TBC1D4: variants seen among roughly 807,000 people sequenced by gnomAD.
The protein encoded by TBC1D4 is TBC1 domain family member 4.
TBC1D4 carries 121 observed loss-of-function variants against 142.5 expected under a neutral mutation model. The observed-to-expected ratio is 0.85, with a 90% CI of 0.73 to 0.99. The LOEUF (loss-of-function observed/expected upper bound fraction) is 0.99. TBC1D4 is among the 50% of genes least tolerant of loss of function. The pLI is 0.00. For synonymous variants in TBC1D4, 630 were observed against 628.2 expected, an observed-to-expected ratio of 1.00 and a Z score of -0.04; for missense variants, 1,475 against 1,606.6, an observed-to-expected ratio of 0.92 and a Z score of 1.40.
chr13:75,284,649 C>T lies in TBC1D4; in HGVS notation c.*2143G>A, dbSNP rs1485770196. ...CTCTAACCAAGAGCTGCTTCTCTCC[C>T]GAAAAGTAACAGTATACGTCAAGAA... On this transcript the variant is annotated 3_prime_UTR_variant, in exon 21 of 21. Coordinates refer to ENST00000377636, the MANE Select transcript of TBC1D4 (RefSeq NM_014832.5). 6.6e-6 allele frequency: 1 copy of T among 152,080 alleles called. No individual in the cohort carries two copies. The highest frequency in any genetic ancestry group is 1.5e-5 in the Non-Finnish European group (1 of 68,024). 9.4% of individuals were successfully genotyped at this position (152,080 alleles called of 1,614,324 possible).
chr13:75,289,837 A>T (rs1297036902), intron 19 of TBC1D4, among the ~76,000 whole-genome samples: 1 of 152,198 alleles, frequency 6.6e-6, no homozygotes, highest in East Asian at 1.9e-4. Context: ...CCTAGGGGGA[A>T]GGAGAGACAA....
rs774962056 is a variant in TBC1D4, at chr13:75,324,287, G to A, written c.2148C>T (p.Ser716=). ...ACAGTCTACCTGAATTCTGGTAAAA[G>A]CTTTTCAGGAAAGAGGGGGCAGTGA... ...PSFTAPSFLK[S]FYQNSGRLSP... is the part of the protein sequence containing the mutation. The change falls in exon 11 of 21, where the codon AGC becomes AGT. Residue 716 remains serine (S), a synonymous_variant. Coordinates refer to ENST00000377636, the MANE Select transcript of TBC1D4 (RefSeq NM_014832.5). 1.9e-6 allele frequency: 3 copies of A among 1,613,900 alleles called. No individual in the cohort carries two copies. Among genetic ancestry groups the A allele is most frequent in the East Asian group, 4.5e-5 (2 of 44,862 alleles).
intron 5 of TBC1D4, among the ~76,000 whole-genome samples, chr13:75,348,778 A>G (rs1593770151): frequency 6.6e-6 from 1 of 152,336 alleles, no homozygotes; most frequent in East Asian, 1.9e-4. Context: ...AATATTAAAT[A>G]AACACTTGAC....
chr13:75,386,686 T>G (rs920379903), intron 1 of TBC1D4, among the ~76,000 whole-genome samples: 1 of 152,152 alleles, frequency 6.6e-6, no homozygotes, highest in East Asian at 1.9e-4. Context: ...TCTTTCATGA[T>G]ACATGCTCAT....
chr13:75,299,710 A>G, intron 16 of TBC1D4, 136 bp from the exon 17 acceptor site: 4 of 1,104,144 alleles, frequency 3.6e-6, no homozygotes, highest in South Asian at 1.4e-5. Flanking sequence ...TAGAGTCACC[A>G]TGTAACTAAG....
At chr13:75,376,613 C>A (rs1883526303) in intron 1 of TBC1D4, among the ~76,000 whole-genome samples, 1 of 152,148 alleles carries the variant, frequency 6.6e-6, no homozygotes, top group Non-Finnish European at 1.5e-5. Flanking sequence ...GAACTCCTGA[C>A]CTCAGGTGAT....
rs34114903 is a variant in TBC1D4, at chr13:75,435,327, C to CAA, written c.498+45941_498+45942dup. Among the ~76,000 whole-genome samples the CAA allele has an allele frequency of 3.1e-3, 380 of 122,124 alleles. 5 individuals carry two copies. The highest frequency in any genetic ancestry group is 8.3e-3 in the African/African-American group (300 of 36,260). The allele number at this position is 122,124 out of a possible 152,430, so 80.1% of individuals were successfully genotyped here. Reference sequence around the variant, plus strand: ...TGGGAGACAGAGGGAGATTCTGTCTCAAAAAAAAAAAAATACATAATTACG... The same window carrying CAA: ...TGGGAGACAGAGGGAGATTCTGTCTCAAAAAAAAAAAAAAATACATAATTACG... On this transcript the variant is annotated intron_variant, in intron 1 of 20. Coordinates refer to ENST00000377636, the MANE Select transcript of TBC1D4 (RefSeq NM_014832.5).
intron 1 of TBC1D4, among the ~76,000 whole-genome samples, chr13:75,380,065 G>C (rs1309432936): frequency 6.6e-6 from 1 of 151,494 alleles, no homozygotes; most frequent in African/African-American, 2.4e-5. Context: ...TTTTAGTAGA[G>C]ACGGGGTTTC....
chr13:75,361,767 A>G (rs928582233), intron 2 of TBC1D4, among the ~76,000 whole-genome samples: 1 of 152,024 alleles, frequency 6.6e-6, no homozygotes, highest in African/African-American at 2.4e-5. Context: ...GGTGTCCAGG[A>G]CGTTCTACGA....
At chr13:75,346,455 T>C (rs1179341390) in intron 5 of TBC1D4, among the ~76,000 whole-genome samples, 5 of 152,328 alleles carry the variant, frequency 3.3e-5, no homozygotes, top group Admixed American at 3.3e-4. Flanking sequence ...GCTTCATCCA[T>C]GTCCCTGCAA....
chr13:75,445,757 C>T (rs899834282), intron 1 of TBC1D4, among the ~76,000 whole-genome samples: 1 of 152,206 alleles, frequency 6.6e-6, no homozygotes, highest in Non-Finnish European at 1.5e-5. Context: ...TTACCATTCA[C>T]ACTACTCCCT....
At position 75,362,740 on chromosome 13, in the gene TBC1D4, A is replaced by G; in HGVS notation, c.499-133T>C. ...TACAAAGTAATAGACACTACACGAG[A>G]CAGAGCATACACTTACATTATTTGA... On this transcript the variant is annotated intron_variant, in intron 1 of 20. Transcript: ENST00000377636. This position sits in a 1 kb window ranked among gnomAD's most constrained non-coding sequence, Gnocchi z 4.2. The G allele has an allele frequency of 1.1e-6, 1 of 869,944 alleles. No individual in the cohort carries two copies. The highest frequency in any genetic ancestry group is 1.8e-6 in the Non-Finnish European group (1 of 563,640). 53.9% of individuals were successfully genotyped at this position (869,944 alleles called of 1,614,324 possible). A position where few individuals can be genotyped will look rare whatever the true frequency, so the allele number is the denominator to read the frequency against.
intron 1 of TBC1D4, among the ~76,000 whole-genome samples, chr13:75,364,364 T>C (rs1593795673): frequency 6.6e-6 from 1 of 152,250 alleles, no homozygotes; most frequent in East Asian, 1.9e-4. Context: ...GGAGGGGCTG[T>C]TGTAATTATT....
Position 75,467,198 on chromosome 13 carries a change from C to G in TBC1D4, c.498+14072G>C, listed in dbSNP as rs1888204251. Among the ~76,000 whole-genome samples, 2 of 152,176 alleles carry G rather than the reference C, an allele frequency of 1.3e-5. 1 individual carries two copies. Among genetic ancestry groups the G allele is most frequent in the South Asian group, 4.1e-4 (2 of 4,824 alleles). On this transcript the variant is annotated intron_variant, in intron 1 of 20. Transcript: ENST00000377636. ...TTTACAGAAATGATGTGTTTATCCT[C>G]TACTCCAAGAACAAAAGAAAACAGC...
intron 1 of TBC1D4, among the ~76,000 whole-genome samples, chr13:75,364,917 T>C (rs1305836710): frequency 6.6e-6 from 1 of 152,228 alleles, no homozygotes; most frequent in Non-Finnish European, 1.5e-5. Flanking sequence ...AATATTTAAA[T>C]GATTTACATA....
chr13:75,386,550 G>A (rs1884184291), intron 1 of TBC1D4, among the ~76,000 whole-genome samples: 1 of 151,716 alleles, frequency 6.6e-6, no homozygotes, highest in South Asian at 2.1e-4. Context: ...CACCAGACCT[G>A]GCTAATTTTT....
At chr13:75,296,807 T>C (rs1235385746) in intron 17 of TBC1D4, among the ~76,000 whole-genome samples, 3 of 152,048 alleles carry the variant, frequency 2.0e-5, no homozygotes, top group Non-Finnish European at 2.9e-5. Context: ...CGTGACAAGA[T>C]ACATGTATTT....
chr13:75,435,355 T>TA (rs576899199), intron 1 of TBC1D4, among the ~76,000 whole-genome samples: 3,983 of 137,918 alleles, frequency 0.029, 88 homozygotes, highest in South Asian at 0.045. Context: ...TAATTACGAC[T>TA]AAAAAAAAAA....
chr13:75,460,218 G>T (rs1294600866), intron 1 of TBC1D4, among the ~76,000 whole-genome samples: 1 of 152,118 alleles, frequency 6.6e-6, no homozygotes, highest in Non-Finnish European at 1.5e-5. Context: ...TACAAAAATG[G>T]CCCTATCTAT....
Sources: allele counts gnomAD v4.1 joint callset (sites outside exome capture counted in the v4.1 genomes callset), GRCh38; gene constraint gnomAD v4.1.1; non-coding constraint Gnocchi (gnomAD v3.1); transcripts MANE v1.5; gene names NCBI Gene and HGNC (gene_info 2026-07-23, HGNC 2026-07-21).